TCF20: variants seen among roughly 807,000 people sequenced by gnomAD.
TCF20 encodes the protein SPRE-binding protein.
A neutral mutation model predicts 148.6 loss-of-function variants in TCF20; 3 were observed. The ratio of observed to expected loss-of-function variants is 0.02; its 90% CI spans 0.01 to 0.05. TCF20 has a LOEUF of 0.05. TCF20 is among the 10% of genes least tolerant of loss of function. The probability of loss-of-function intolerance (pLI) is 1.00; values close to 1 mark genes in which losing one functional copy is unlikely to be tolerated. For missense variants in TCF20, 2,350 were observed against 2,429.3 expected (o/e 0.97, Z 0.69); for synonymous variants, 1,049 against 909.5 (o/e 1.15, Z -2.76).
chr22:42,174,832 G>A (rs10427654), intron 3 of TCF20, among the ~76,000 whole-genome samples: 18 of 152,066 alleles, frequency 1.2e-4, no homozygotes, highest in South Asian at 6.2e-4. Flanking sequence ...TCAGGAGATC[G>A]AGACCATCCC....
intron 2 of TCF20, among the ~76,000 whole-genome samples, chr22:42,207,958 G>A (rs552854765): frequency 6.8e-4 from 103 of 152,364 alleles, no homozygotes; most frequent in African/African-American, 2.3e-3. Flanking sequence ...GAAGGCTGAC[G>A]TGGGAGGATT....
upstream of TCF20, among the ~76,000 whole-genome samples, chr22:42,287,378 C>A (rs765821175): frequency 1.3e-5 from 2 of 152,142 alleles, no homozygotes; most frequent in African/African-American, 4.8e-5. Flanking sequence ...GCCCAGAGAA[C>A]GGAACTGAGT....
intron 1 of TCF20, among the ~76,000 whole-genome samples, chr22:42,219,693 A>G (rs906420519): frequency 1.7e-4 from 26 of 151,972 alleles, no homozygotes; most frequent in African/African-American, 6.0e-4. Flanking sequence ...CTATCTTTAT[A>G]AAAAATACAA....
At position 42,300,689 on chromosome 22, in the gene TCF20, G is replaced by A. The variant is rs73433537; in HGVS notation, c.-37+42790C>T. On this transcript the variant is annotated intron_variant, in intron 1 of 1. Coordinates refer to the TCF20 transcript ENST00000515426. ...GAAGTATAGGGAGGTTAGTGGCAGG[G>A]GAGGGTCTCAGAAAACCCCTCGTCC... Among the ~76,000 whole-genome samples the A allele has an allele frequency of 1.2e-3, 183 of 152,218 alleles. 1 individual carries two copies. The highest frequency in any genetic ancestry group is 3.8e-3 in the African/African-American group (156 of 41,528).
rs1314813859 is a variant in TCF20, at chr22:42,299,593, C to A, written c.-37+43886G>T. Among the ~76,000 whole-genome samples the A allele has an allele frequency of 1.3e-5, 2 of 152,214 alleles. No homozygotes were observed. Among genetic ancestry groups the A allele is most frequent in the East Asian group, 3.9e-4 (2 of 5,184 alleles). Reference sequence around the variant, plus strand: ...CATGTCCCACTGGTCACCAGTCCCTCTTGCCTTTCTGTCCCAGCTAGCAGC... The same window carrying A: ...CATGTCCCACTGGTCACCAGTCCCTATTGCCTTTCTGTCCCAGCTAGCAGC... On this transcript the variant is annotated intron_variant, in intron 1 of 1. Coordinates refer to the TCF20 transcript ENST00000515426. This position sits in a 1 kb window ranked among gnomAD's most constrained non-coding sequence, Gnocchi z 4.1.
chr22:42,304,740 G>C (rs1231290760), intron 1 of TCF20, among the ~76,000 whole-genome samples: 1 of 152,096 alleles, frequency 6.6e-6, no homozygotes, highest in African/African-American at 2.4e-5. Context: ...GAAGCTGCAA[G>C]TTTTAGCTTC....
chr22:42,213,640 C>G lies in TCF20; in HGVS notation c.1666G>C (p.Ala556Pro), dbSNP rs777016897. 11 of 1,614,094 alleles carry G rather than the reference C, an allele frequency of 6.8e-6. No individual in the cohort carries two copies. The South Asian group carries it at 7.7e-5, about 11-fold the overall frequency. Residue 556 changes from alanine to proline, a missense_variant, in exon 2 of 6, where the codon GCT becomes CCT. Transcript: ENST00000677622. ...GCACCTTGTGCCGGTGAGGAGCCAG[C>G]TTTCTCAGAGGCTCCACCCTTGTAG... is the stretch of plus-strand genomic sequence containing the variant. ...TTYKGGASEK[A>P]GSSPAQGAQN...
At chr22:42,167,698 C>G (rs1456432049) in intron 5 of TCF20, among the ~76,000 whole-genome samples, 1 of 152,088 alleles carries the variant, frequency 6.6e-6, no homozygotes, top group East Asian at 1.9e-4. Context: ...CACAAACTCA[C>G]AGCAAGCACA....
chr22:42,294,534 C>T (rs907782532), intron 1 of TCF20, among the ~76,000 whole-genome samples: 4 of 152,090 alleles, frequency 2.6e-5, no homozygotes, highest in Non-Finnish European at 4.4e-5. Flanking sequence ...GGCCCTCCCT[C>T]CCAGCTCCGG....
intron 1 of TCF20, among the ~76,000 whole-genome samples, chr22:42,308,443 C>T (rs1927474110): frequency 6.6e-6 from 1 of 152,118 alleles, no homozygotes; most frequent in African/African-American, 2.4e-5. Flanking sequence ...CTTAGTCCTC[C>T]CTATCCTTGG....
At chr22:42,207,791 G>A (rs1044769848) in intron 2 of TCF20, among the ~76,000 whole-genome samples, 1 of 152,050 alleles carries the variant, frequency 6.6e-6, no homozygotes, top group Non-Finnish European at 1.5e-5. Context: ...CTCCAGCCTG[G>A]GCAACAAGAG....
In TCF20 at chr22:42,215,330, C is replaced by T. The variant is rs764323578; in HGVS notation, c.-25G>A. ...TACTGTTCAGCAGCACAGCAGCAGG[C>T]CAACAGCCCTCCTAGAAATAGAAGA... On this transcript the variant is annotated 5_prime_UTR_variant, in exon 2 of 6. Coordinates refer to ENST00000677622, the MANE Select transcript of TCF20 (RefSeq NM_001378418.1). 6.3e-7 allele frequency: 1 copy of T among 1,581,772 alleles called. No homozygotes were observed. Among genetic ancestry groups the T allele is most frequent in the South Asian group, 1.1e-5 (1 of 87,072 alleles).
Position 42,211,844 on chromosome 22 carries a change from G to T in TCF20, c.3462C>A (p.Asp1154Glu). 8 of 1,614,162 alleles carry T rather than the reference G, an allele frequency of 5.0e-6. No homozygotes were observed. The highest frequency in any genetic ancestry group is 6.8e-6 in the Non-Finnish European group (8 of 1,180,024). ...AGCGCCCAGCCTCCTGGGCACTGGG[G>T]TCATGGTAAGTCCCCACTGGTGGGC... is the stretch of plus-strand genomic sequence containing the variant. ...MYGPPVGTYH[D>E]PSAQEAGRCL... The change falls in exon 2 of 6, where the codon GAC becomes GAA. Residue 1154 changes from aspartate to glutamate, a missense_variant. By Grantham distance (45) the Asp-to-Glu change is conservative. This residue lies in a region of TCF20 where 1,641 missense variants were observed against 1,662.6 expected (regional missense o/e 0.99). Transcript: ENST00000677622.
At chr22:42,216,001 G>A (rs1176482811) in intron 1 of TCF20, among the ~76,000 whole-genome samples, 1 of 146,536 alleles carries the variant, frequency 6.8e-6, no homozygotes, top group Non-Finnish European at 1.5e-5. Flanking sequence ...TGTTATTACT[G>A]TCAATGAAAA....
chr22:42,220,234 C>T (rs1922232008), intron 1 of TCF20, among the ~76,000 whole-genome samples: 1 of 152,140 alleles, frequency 6.6e-6, no homozygotes, highest in African/African-American at 2.4e-5. Flanking sequence ...AGTGGCATGA[C>T]CACAGGCTCA....
intron 2 of TCF20, among the ~76,000 whole-genome samples, chr22:42,186,073 C>G (rs1249223230): frequency 1.3e-5 from 2 of 152,246 alleles, no homozygotes; most frequent in Non-Finnish European, 2.9e-5. Flanking sequence ...ATTAAATACA[C>G]ACTTAATCAA....
At chr22:42,263,208 T>C (rs1009650312) in intron 1 of TCF20, among the ~76,000 whole-genome samples, 4 of 152,356 alleles carry the variant, frequency 2.6e-5, no homozygotes, top group Non-Finnish European at 4.4e-5. Context: ...CACGCTCTGC[T>C]GCCTTCCATC....
intron 2 of TCF20, among the ~76,000 whole-genome samples, chr22:42,186,848 G>A (rs1423401373): frequency 2.6e-5 from 4 of 152,148 alleles, no homozygotes; most frequent in African/African-American, 9.7e-5. Context: ...AAATAAATGG[G>A]GACTAATAAT....
At chr22:42,240,377 G>A (rs962115644) in intron 1 of TCF20, among the ~76,000 whole-genome samples, 2 of 152,080 alleles carry the variant, frequency 1.3e-5, no homozygotes, top group Non-Finnish European at 2.9e-5. Context: ...CAATAATACA[G>A]TATAATAGTA....
Sources: allele counts gnomAD v4.1 joint callset (sites outside exome capture counted in the v4.1 genomes callset), GRCh38; gene constraint gnomAD v4.1.1; regional missense constraint gnomAD v4.1.1; non-coding constraint Gnocchi (gnomAD v3.1); transcripts MANE v1.5; gene names NCBI Gene and HGNC (gene_info 2026-07-23, HGNC 2026-07-21).